The following OTOGL variants were observed in gnomAD, a reference collection of about 807,000 sequenced individuals.
OTOGL encodes otogelin like.
A neutral mutation model predicts 318.5 loss-of-function variants in OTOGL; 285 were observed. The observed-to-expected ratio is 0.89, with a 90% CI of 0.81 to 0.99. The LOEUF is 0.99. OTOGL is among the 50% of genes least tolerant of loss of function. The pLI is 0.00. For synonymous variants in OTOGL, 987 were observed against 936.5 expected, an observed-to-expected ratio of 1.05 and a Z score of -0.99; for missense variants, 2,899 against 2,845.6, an observed-to-expected ratio of 1.02 and a Z score of -0.43.
intron 4 of OTOGL, among the ~76,000 whole-genome samples, chr12:80,215,261 G>A (rs574375892): frequency 6.6e-6 from 1 of 151,342 alleles, no homozygotes; most frequent in African/African-American, 2.4e-5. Context: ...CTGCCTCCTG[G>A]GTTCAAGCTA....
In OTOGL at chr12:80,380,835, G is replaced by A. The variant is rs1028123938; in HGVS notation, c.*2787G>A. On this transcript the variant is annotated 3_prime_UTR_variant, in exon 59 of 59. Transcript: ENST00000547103. Reference sequence around the variant, plus strand: ...AAGGTTATTAATTGCAGCATTGTTTGTAATAGAAAAAAACCAACAATAGTT... The same window carrying A: ...AAGGTTATTAATTGCAGCATTGTTTATAATAGAAAAAAACCAACAATAGTT... 2.6e-5 allele frequency: 4 copies of A among 152,068 alleles called. No homozygotes were observed. The highest frequency in any genetic ancestry group is 7.2e-5 in the African/African-American group (3 of 41,428). The allele number at this position is 152,068 out of a possible 1,614,324, so 9.4% of individuals were successfully genotyped here.
chr12:80,349,915 CAT>C (rs774580419), intron 44 of OTOGL, among the ~76,000 whole-genome samples: 20 of 152,334 alleles, frequency 1.3e-4, no homozygotes, highest in Admixed American at 3.3e-4. Flanking sequence ...TGCATTACCT[CAT>C]GTGATTATCA....
chr12:80,115,810 T>C (rs1164122639), intron 1 of OTOGL, among the ~76,000 whole-genome samples: 1 of 152,196 alleles, frequency 6.6e-6, no homozygotes, highest in Non-Finnish European at 1.5e-5. Flanking sequence ...AGTGGTGGGC[T>C]CTGCCCAGTT....
At chr12:80,269,362 C>G (rs1883234239) in intron 22 of OTOGL, among the ~76,000 whole-genome samples, 1 of 152,140 alleles carries the variant, frequency 6.6e-6, no homozygotes, top group African/African-American at 2.4e-5. Context: ...GCCTTATACT[C>G]TGACTTTAGA....
intron 1 of OTOGL, among the ~76,000 whole-genome samples, chr12:80,122,514 T>C (rs1188906917): frequency 6.6e-6 from 1 of 152,198 alleles, no homozygotes; most frequent in Non-Finnish European, 1.5e-5. Context: ...AACTCTTATC[T>C]GGTTAAGTTG....
At chr12:80,216,656 C>T (rs914087251) in intron 4 of OTOGL, among the ~76,000 whole-genome samples, 7 of 152,066 alleles carry the variant, frequency 4.6e-5, no homozygotes, top group Admixed American at 2.6e-4. Context: ...AACTATACAA[C>T]GAGGGAAGTG....
chr12:80,352,580 A>G (rs1889620919), intron 45 of OTOGL, 144 bp downstream of exon 45: 1 of 692,146 alleles, frequency 1.4e-6, no homozygotes, highest in Admixed American at 3.7e-5. Context: ...CACAAGTTAC[A>G]TCACTTGATT....
chr12:80,207,962 A>G (rs1876937191), intron 1 of OTOGL, among the ~76,000 whole-genome samples: 1 of 152,218 alleles, frequency 6.6e-6, no homozygotes, highest in Non-Finnish European at 1.5e-5. Flanking sequence ...GTTCAAGAGT[A>G]AGAGACTAGT....
At chr12:80,297,143 C>G (rs1001580725) in intron 27 of OTOGL, among the ~76,000 whole-genome samples, 182 bp downstream of exon 27, 1 of 152,002 alleles carries the variant, frequency 6.6e-6, no homozygotes, top group Non-Finnish European at 1.5e-5. Context: ...TCTTACTTCC[C>G]TTCTCCATCT....
Position 80,336,037 on chromosome 12 carries a change from G to T in OTOGL, c.4497G>T (p.Trp1499Cys). 14 of 1,598,730 alleles carry T rather than the reference G, an allele frequency of 8.8e-6. No homozygotes were observed. Among genetic ancestry groups the T allele is most frequent in the Non-Finnish European group, 1.2e-5 (14 of 1,179,372 alleles). Residue 1499 changes from tryptophan (W) to cysteine (C), a missense_variant, in exon 39 of 59, where the codon TGG (tryptophan) becomes TGT (cysteine). Physicochemically the swap from Trp to Cys is radical, Grantham distance 215. Coordinates refer to ENST00000547103, the MANE Select transcript of OTOGL (RefSeq NM_001378609.3). ...ATATGGAATGGCAGTTATACAACTG[G>T]TCCCTTAATTGCCCAAAGGACGTGG... ...CLNMEWQLYN[W>C]SLNCPKDVEM...
chr12:80,158,880 G>A (rs1033423116), intron 1 of OTOGL, among the ~76,000 whole-genome samples: 5 of 152,022 alleles, frequency 3.3e-5, no homozygotes, highest in South Asian at 4.1e-4. Flanking sequence ...TTGAATAGAC[G>A]GGGTGAGAGT....
chr12:80,267,921 G>T (rs1046427352), intron 22 of OTOGL, among the ~76,000 whole-genome samples: 1 of 151,772 alleles, frequency 6.6e-6, no homozygotes, highest in African/African-American at 2.4e-5. Flanking sequence ...TTAGATAGAA[G>T]TTAGGGGTGA....
intron 1 of OTOGL, among the ~76,000 whole-genome samples, chr12:80,153,875 C>T (rs1872947995): frequency 6.6e-6 from 1 of 152,144 alleles, no homozygotes; most frequent in Non-Finnish European, 1.5e-5. Context: ...CATATCTTTT[C>T]ATGTCTTGAT....
chr12:80,296,943 T>C lies in OTOGL; in HGVS notation c.3045T>C (p.Asn1015=). The C allele has an allele frequency of 6.4e-7, 1 of 1,552,110 alleles. No homozygotes were observed. The highest frequency in any genetic ancestry group is 8.7e-7 in the Non-Finnish European group (1 of 1,151,002). The change falls in exon 27 of 59, where the codon AAT becomes AAC. Residue 1015 remains asparagine, a synonymous_variant. Coordinates refer to ENST00000547103, the MANE Select transcript of OTOGL (RefSeq NM_001378609.3). ...TTGGGGACACTGAAATTTACCTGAA[T>C]GATACTCCTTACAAACAGGTTAGTG... ...ISVGDTEIYL[N]DTPYKQKQSG... is the part of the protein sequence containing the mutation.
chr12:80,271,858 C>A (rs1394797342), intron 24 of OTOGL, 48 bp downstream of exon 24: 1 of 1,543,774 alleles, frequency 6.5e-7, no homozygotes, highest in Non-Finnish European at 8.9e-7. Context: ...TGCCTGAAAG[C>A]ACAATATCTC....
At chr12:80,149,113 G>A (rs937159957) in intron 1 of OTOGL, among the ~76,000 whole-genome samples, 30 of 152,314 alleles carry the variant, frequency 2.0e-4, no homozygotes, top group Admixed American at 7.2e-4. Flanking sequence ...GCGTTCCTTT[G>A]GAGGAGGAGA....
At chr12:80,332,652 G>A (rs2137894936) in intron 37 of OTOGL, among the ~76,000 whole-genome samples, 1 of 152,288 alleles carries the variant, frequency 6.6e-6, no homozygotes, top group African/African-American at 2.4e-5. Flanking sequence ...AACTTCTGAG[G>A]AATGGTTAGT....
chr12:80,148,449 G>A (rs1322797189), intron 1 of OTOGL, among the ~76,000 whole-genome samples: 1 of 149,332 alleles, frequency 6.7e-6, no homozygotes, highest in African/African-American at 2.5e-5. Flanking sequence ...GCTTCCCTTT[G>A]AGGGTAACCC....
chr12:80,108,908 ATATATATGTG>A (rs1294459420), intron 1 of OTOGL, among the ~76,000 whole-genome samples: 14 of 128,052 alleles, frequency 1.1e-4, no homozygotes, highest in African/African-American at 2.9e-4. Flanking sequence ...ATATATGTGT[ATATATATGTG>A]TATATATATA....
Sources: gnomAD v4.1 joint callset for allele counts (sites outside exome capture counted in the v4.1 genomes callset) on GRCh38, gnomAD v4.1.1 for gene constraint, MANE v1.5 for transcripts, NCBI Gene and HGNC (gene_info 2026-07-23, HGNC 2026-07-21) for gene names.